Variants in MYCBP2 observed in about 807,000 individuals in gnomAD.
MYCBP2 encodes MYC binding protein 2.
Under a neutral mutation model 525.3 loss-of-function variants are expected in MYCBP2, and 120 were observed. That is an observed-to-expected ratio of 0.23 (90% CI 0.20 to 0.27). MYCBP2 has a LOEUF of 0.27. Among genes scored for constraint, MYCBP2 ranks in the 10% least tolerant of loss-of-function variants. The pLI, the probability that MYCBP2 is intolerant of heterozygous loss-of-function variation, is 1.00. For missense variants in MYCBP2, 4,149 were observed against 5,657.1 expected (o/e 0.73, Z 8.55); for synonymous variants, 1,894 against 1,955.8 (o/e 0.97, Z 0.83).
rs753588338 is a variant in MYCBP2 at position 77,097,454 on chromosome 13, C to T, written c.9700G>A (p.Gly3234Arg). 1.2e-6 allele frequency: 2 copies of T among 1,613,534 alleles called. No homozygotes were observed. Among genetic ancestry groups the T allele is most frequent in the African/African-American group, 1.3e-5 (1 of 75,004 alleles). The change falls in exon 56 of 83, where the codon GGA (glycine) becomes AGA (arginine). Residue 3234 changes from glycine (G) to arginine (R), a missense_variant. This residue lies in a region of MYCBP2 where 653 missense variants were observed against 744.7 expected (regional missense o/e 0.88). Coordinates refer to ENST00000544440, the MANE Select transcript of MYCBP2 (RefSeq NM_015057.5). The part of the protein sequence containing the change: ...FGEMAQLAVG[G>R]PEKDTICELC... Reference sequence around the variant, plus strand: ...TCACAGATGGTATCTTTCTCTGGTCCTCCTACTGCCAGCTGGGCCATCTCT... The same window carrying T: ...TCACAGATGGTATCTTTCTCTGGTCTTCCTACTGCCAGCTGGGCCATCTCT...
intron 30 of MYCBP2, among the ~76,000 whole-genome samples, chr13:77,188,132 T>C (rs945264284): frequency 1.3e-5 from 2 of 150,286 alleles, no homozygotes; most frequent in African/African-American, 2.5e-5. Context: ...ATAGTAGGTA[T>C]ATATGGTGAT....
At chr13:77,167,528 A>G (rs2058681192) in intron 40 of MYCBP2, among the ~76,000 whole-genome samples, 1 of 152,208 alleles carries the variant, frequency 6.6e-6, no homozygotes, top group Non-Finnish European at 1.5e-5. Flanking sequence ...AAAGGGACTT[A>G]AGATTAAAGG....
At chr13:77,070,889 G>T (rs1010257939) in intron 68 of MYCBP2, among the ~76,000 whole-genome samples, 178 bp from the exon 69 acceptor site, 2 of 152,030 alleles carry the variant, frequency 1.3e-5, no homozygotes, top group Non-Finnish European at 2.9e-5. Flanking sequence ...GAAATAAAAA[G>T]AACAAAATCT....
chr13:77,070,270 A>G (rs538115960), intron 69 of MYCBP2, among the ~76,000 whole-genome samples: 63 of 152,344 alleles, frequency 4.1e-4, no homozygotes, highest in African/African-American at 1.5e-3. Flanking sequence ...GGCGAGCATA[A>G]AAAAGCCTTC....
intron 1 of MYCBP2, among the ~76,000 whole-genome samples, chr13:77,325,664 C>T (rs371397673): frequency 5.4e-4 from 82 of 152,298 alleles, no homozygotes; most frequent in African/African-American, 1.9e-3. Flanking sequence ...GCAGTTTTCC[C>T]CTTTTCCCTA....
chr13:77,276,816 GTTTTTT>G (rs397851660), intron 4 of MYCBP2, among the ~76,000 whole-genome samples: 1 of 76,232 alleles, frequency 1.3e-5, no homozygotes, highest in African/African-American at 5.7e-5. Flanking sequence ...TCCATGCCCA[GTTTTTT>G]TTTTTTTTTT....
At chr13:77,130,698 A>G (rs1006781288) in intron 52 of MYCBP2, among the ~76,000 whole-genome samples, 1 of 152,160 alleles carries the variant, frequency 6.6e-6, no homozygotes, top group Non-Finnish European at 1.5e-5. Context: ...CCACGTATAT[A>G]AGAATTTGTA....
chr13:77,320,793 G>C (rs574112789), intron 1 of MYCBP2, among the ~76,000 whole-genome samples: 2 of 152,192 alleles, frequency 1.3e-5, no homozygotes, highest in Admixed American at 6.5e-5. Flanking sequence ...ATTTTCTAAT[G>C]AACACCTAAT....
chr13:77,067,341 AT>A (rs1385940127), intron 71 of MYCBP2, among the ~76,000 whole-genome samples: 2 of 152,044 alleles, frequency 1.3e-5, no homozygotes, highest in Admixed American at 6.6e-5. Context: ...GGTATCTAGA[AT>A]TTTTTTTAAC....
At chr13:77,288,675 A>G (rs2077145278) in intron 2 of MYCBP2, among the ~76,000 whole-genome samples, 1 of 152,334 alleles carries the variant, frequency 6.6e-6, no homozygotes, top group Non-Finnish European at 1.5e-5. Context: ...CTTAACTCTT[A>G]GAGTTCTGTA....
In MYCBP2 at chr13:77,098,970, T is replaced by G. The variant is rs141772648; in HGVS notation, c.8184A>C (p.Thr2728=). 4.7e-4 allele frequency: 754 copies of G among 1,611,756 alleles called. 4 individuals carry two copies. Among genetic ancestry groups the G allele is most frequent in the Middle Eastern group, 1.2e-3 (7 of 6,052 alleles). Residue 2728 remains threonine, a synonymous_variant, in exon 56 of 83, where the codon ACA becomes ACC. Coordinates refer to ENST00000544440, the MANE Select transcript of MYCBP2 (RefSeq NM_015057.5). ...NISTSSKPAS[T]SGKSELSSKH... is the part of the protein sequence containing the mutation. ...TAGAGGACAGCTCTGATTTTCCTGA[T>G]GTAGAGGCTGGTTTAGAAGATGTTG...
rs1216324512 is a variant in MYCBP2, at chr13:77,055,833, T to C, written c.13438-66A>G. The C allele has an allele frequency of 5.7e-6, 6 of 1,056,078 alleles. No homozygotes were observed. In the African/African-American group the frequency reaches 7.8e-5, roughly 14 times the overall value. 65.4% of individuals were successfully genotyped at this position (1,056,078 alleles called of 1,614,324 possible). A position where few individuals can be genotyped will look rare whatever the true frequency, so the allele number is the denominator to read the frequency against. Reference sequence around the variant, plus strand: ...TAACCAACTCAACAAACACTTAGCATGCACCTAAGTGCCAAGCATTGTGCT... The same window carrying C: ...TAACCAACTCAACAAACACTTAGCACGCACCTAAGTGCCAAGCATTGTGCT... On this transcript the variant is annotated intron_variant, in intron 79 of 82. Coordinates refer to ENST00000544440, the MANE Select transcript of MYCBP2 (RefSeq NM_015057.5).
Position 77,326,602 on chromosome 13 carries a change from C to A in MYCBP2, c.174G>T (p.Ala58=). ...AAGLGLGLPA[A]DSRGHYQLLL... Reference sequence around the variant, plus strand: ...GCAGCTGGTAGTGACCCCGGGAGTCCGCGGCGGGTAGCCCCAGCCCCAGCC... The same window carrying A: ...GCAGCTGGTAGTGACCCCGGGAGTCAGCGGCGGGTAGCCCCAGCCCCAGCC... The change falls in exon 1 of 83, where the codon GCG becomes GCT. Residue 58 remains alanine (A), a synonymous_variant. Coordinates refer to ENST00000544440, the MANE Select transcript of MYCBP2 (RefSeq NM_015057.5). The surrounding 1 kb of genome is among the most constrained non-coding windows in gnomAD (Gnocchi z 4.2). 6.3e-7 allele frequency: 1 copy of A among 1,583,352 alleles called. No homozygotes were observed. Among genetic ancestry groups the A allele is most frequent in the Non-Finnish European group, 8.6e-7 (1 of 1,167,068 alleles).
chr13:77,326,699 G>A lies in MYCBP2; in HGVS notation c.77C>T (p.Ala26Val), dbSNP rs1247358791. 2.8e-6 allele frequency: 4 copies of A among 1,438,404 alleles called. No individual in the cohort carries two copies. The South Asian group carries it at 4.2e-5, about 15-fold the overall frequency. The allele number at this position is 1,438,404 out of a possible 1,614,324, so 89.1% of individuals were successfully genotyped here. The change falls in exon 1 of 83, where the codon GCC (alanine) becomes GTC (valine). Residue 26 changes from alanine to valine, a missense_variant. This residue lies in a region of MYCBP2 where 413 missense variants were observed against 451.2 expected (regional missense o/e 0.92). Transcript: ENST00000544440. The surrounding 1 kb of genome is among the most constrained non-coding windows in gnomAD (Gnocchi z 4.2). Reference protein sequence around the residue: ...GLGGDGFYPAATFSSSPAPGA... With the variant: ...GLGGDGFYPAVTFSSSPAPGA... ...CGGCGCCGGGGAGGAAGAGAAGGTG[G>A]CGGCTGGGTAGAATCCGTCCCCGCC...
At chr13:77,261,022 T>C in intron 12 of MYCBP2, 149 bp downstream of exon 12, 1 of 604,646 alleles carries the variant, frequency 1.7e-6, no homozygotes, top group Non-Finnish European at 2.8e-6. Flanking sequence ...TCAATATGTA[T>C]TTATTAAGCA....
intron 63 of MYCBP2, 155 bp from the exon 64 acceptor site, chr13:77,082,148 T>A (rs906050942): frequency 1.5e-6 from 1 of 646,478 alleles, no homozygotes; most frequent in Non-Finnish European, 2.4e-6. Context: ...TCATTCCTAT[T>A]GTTTTTGTTT....
rs142463744 is a variant in MYCBP2, at chr13:77,081,762, T to C, written c.11193+75A>G. 900 of 1,542,592 alleles carry C rather than the reference T, an allele frequency of 5.8e-4. 13 individuals are homozygous for C. In the African/African-American group the frequency reaches 0.011, roughly 19 times the overall value. ...ATGGAAGACAGGATCAAATTGATTATGAATAACTTACAGTTTCTCCTTTGA... is the reference window on the plus strand; with the variant it reads ...ATGGAAGACAGGATCAAATTGATTACGAATAACTTACAGTTTCTCCTTTGA... On this transcript the variant is annotated intron_variant, in intron 64 of 82. Transcript: ENST00000544440. This position sits in a 1 kb window ranked among gnomAD's most constrained non-coding sequence, Gnocchi z 4.6.
intron 15 of MYCBP2, among the ~76,000 whole-genome samples, chr13:77,248,190 C>G (rs923675668): frequency 6.7e-6 from 1 of 148,604 alleles, no homozygotes; most frequent in African/African-American, 2.5e-5. Context: ...CTTCACAACA[C>G]TAGATTGGGA....
At chr13:77,268,275 A>G (rs1167848081) in intron 7 of MYCBP2, among the ~76,000 whole-genome samples, 2 of 152,210 alleles carry the variant, frequency 1.3e-5, no homozygotes, top group Admixed American at 1.3e-4. Flanking sequence ...AAGAAAAATA[A>G]CAAGTATTGA....
Sources: allele counts gnomAD v4.1 joint callset (sites outside exome capture counted in the v4.1 genomes callset), GRCh38; gene constraint gnomAD v4.1.1; regional missense constraint gnomAD v4.1.1; non-coding constraint Gnocchi (gnomAD v3.1); transcripts MANE v1.5; gene names NCBI Gene and HGNC (gene_info 2026-07-23, HGNC 2026-07-21).